Variants in ATP7A observed in about 807,000 individuals in gnomAD.
The protein encoded by ATP7A is copper-transporting ATPase 1.
ATP7A carries 7 observed loss-of-function variants against 83.5 expected under a neutral mutation model. The observed-to-expected ratio is 0.08, with a 90% CI of 0.05 to 0.16. The LOEUF is 0.16. ATP7A is among the 10% of genes least tolerant of loss of function. The pLI, the probability that ATP7A is intolerant of heterozygous loss-of-function variation, is 1.00. For missense variants in ATP7A, 940 were observed against 1,120.8 expected (o/e 0.84, Z 2.30); for synonymous variants, 354 against 395.2 (o/e 0.90, Z 1.24).
At chrX:77,915,527 G>A (rs903236571) in intron 1 of ATP7A, among the ~76,000 whole-genome samples, 1 of 110,344 alleles carries the variant, frequency 9.1e-6, no homozygotes, top group East Asian at 2.8e-4. Context: ...ATACATGTAC[G>A]GTGTCTGGCA....
rs1557234428 is a variant in ATP7A at position 78,011,263 on chromosome X, T to C, written c.1946+11T>C. Reference sequence around the variant, plus strand: ...ACGAGAAATAAGACAGTAAGTACTTTGGAGTGTCAGTAAAAAACAGATTTT... The same window carrying C: ...ACGAGAAATAAGACAGTAAGTACTTCGGAGTGTCAGTAAAAAACAGATTTT... On this transcript the variant is annotated intron_variant, in intron 8 of 22. Transcript: ENST00000341514. 7.5e-6 allele frequency: 9 copies of C among 1,202,345 alleles called. No individual in the cohort carries two copies. The highest frequency in any genetic ancestry group is 4.4e-5 in the Admixed American group (2 of 45,959).
At chrX:77,938,613 T>A (rs1255165140) in intron 1 of ATP7A, among the ~76,000 whole-genome samples, 2 of 112,449 alleles carry the variant, frequency 1.8e-5, no homozygotes, top group Non-Finnish European at 3.8e-5. Flanking sequence ...GGAATATACA[T>A]GGGTAGTGAG....
chrX:77,931,814 G>C (rs1288472022), intron 1 of ATP7A, among the ~76,000 whole-genome samples: 1 of 94,743 alleles, frequency 1.1e-5, no homozygotes, highest in Non-Finnish European at 2.2e-5. Context: ...CTGGCCGGGC[G>C]GGGGGCTGAC....
intron 4 of ATP7A, among the ~76,000 whole-genome samples, chrX:77,993,130 C>T (rs2077679520): frequency 8.9e-6 from 1 of 112,016 alleles, no homozygotes; most frequent in Admixed American, 9.5e-5. Context: ...ATTCCTATGC[C>T]TCTTACATAT....
intron 1 of ATP7A, among the ~76,000 whole-genome samples, chrX:77,957,462 C>T (rs1458122900): frequency 9.3e-6 from 1 of 107,522 alleles, no homozygotes; most frequent in Non-Finnish European, 1.9e-5. Flanking sequence ...CACAAAATAA[C>T]CTGACTAAAA....
intron 19 of ATP7A, among the ~76,000 whole-genome samples, chrX:78,041,827 A>T (rs948190326): frequency 2.5e-4 from 28 of 110,720 alleles, no homozygotes; most frequent in African/African-American, 8.9e-4. Context: ...CTGAACATAA[A>T]GTTATTTTGG....
intron 15 of ATP7A, 71 bp from the exon 16 acceptor site, chrX:78,031,329 A>G: frequency 9.7e-7 from 1 of 1,029,291 alleles, no homozygotes; most frequent in Non-Finnish European, 1.4e-6. Flanking sequence ...TTGTCAAAAC[A>G]GACCTTTTTC....
chrX:77,946,576 C>G (rs1379090245), intron 1 of ATP7A, among the ~76,000 whole-genome samples: 1 of 110,157 alleles, frequency 9.1e-6, no homozygotes, highest in Non-Finnish European at 1.9e-5. Flanking sequence ...AAATACATTA[C>G]AAATGAAATA....
chrX:78,031,516 T>C lies in ATP7A; in HGVS notation c.3228T>C (p.Ile1076=). 7.4e-6 allele frequency: 9 copies of C among 1,210,955 alleles called. No homozygotes were observed. Among genetic ancestry groups the C allele is most frequent in the Non-Finnish European group, 1.0e-5 (9 of 894,781 alleles). The change falls in exon 16 of 23, where the codon ATT becomes ATC. Residue 1076 remains isoleucine (I), a synonymous_variant. Transcript: ENST00000341514. ...TATCACACCATAAAATCTTGGCCAT[T>C]GTGGGAACTGCTGAAAGTAACAGTG... ...NRISHHKILA[I]VGTAESNSEH... is the part of the protein sequence containing the mutation.
chrX:78,014,641 T>C, intron 10 of ATP7A, 21 bp from the exon 11 acceptor site: 1 of 1,155,090 alleles, frequency 8.7e-7, no homozygotes. Flanking sequence ...GCATTTTCAA[T>C]GTGTTTGTTT....
At chrX:78,010,629 G>T (rs2077814163) in intron 7 of ATP7A, among the ~76,000 whole-genome samples, 2 of 90,195 alleles carry the variant, frequency 2.2e-5, no homozygotes, top group South Asian at 1.2e-3. Flanking sequence ...GCCTGGGCTG[G>T]AGTGCAGTGG....
At chrX:78,024,309 T>C (rs1557236110) in intron 14 of ATP7A, among the ~76,000 whole-genome samples, 1 of 112,264 alleles carries the variant, frequency 8.9e-6, no homozygotes, top group African/African-American at 3.2e-5. Context: ...TAGGATTGCT[T>C]TTTAAATTCT....
rs781988316 is a variant in ATP7A, at chrX:78,048,466, G to T, written c.*1896G>T. On this transcript the variant is annotated 3_prime_UTR_variant, in exon 23 of 23. Coordinates refer to ENST00000341514, the MANE Select transcript of ATP7A (RefSeq NM_000052.7). The stretch of plus-strand genomic sequence containing the variant: ...TAGAGCAGAGTCTTAAAATCAGGTG[G>T]GGGTAGGGGATGGAGTTCTTCCTTT... 2 of 111,755 alleles carry T rather than the reference G, an allele frequency of 1.8e-5. No individual in the cohort carries two copies. The highest frequency in any genetic ancestry group is 3.3e-5 in the African/African-American group (1 of 30,648). 9.2% of individuals were successfully genotyped at this position (111,755 alleles called of 1,213,427 possible).
rs782590323 is a variant in ATP7A, at chrX:78,043,228, C to T, written c.4006-89C>T. On this transcript the variant is annotated intron_variant, in intron 20 of 22. Coordinates refer to ENST00000341514, the MANE Select transcript of ATP7A (RefSeq NM_000052.7). Reference sequence around the variant, plus strand: ...AATTCACATATTACCCTAAGGTAGACGTAATCTTCAACATACACAGTATCA... The same window carrying T: ...AATTCACATATTACCCTAAGGTAGATGTAATCTTCAACATACACAGTATCA... 169 of 645,503 alleles carry T rather than the reference C, an allele frequency of 2.6e-4. 1 individual carries two copies. In the East Asian group the frequency reaches 4.3e-3, roughly 17 times the overall value. The allele number at this position is 645,503 out of a possible 1,213,427, so 53.2% of individuals were successfully genotyped here.
intron 19 of ATP7A, 28 bp downstream of exon 19, chrX:78,040,761 C>CT (rs782482710): frequency 8.4e-7 from 1 of 1,196,260 alleles, no homozygotes; most frequent in Admixed American, 2.2e-5. Context: ...GTGATAACTT[C>CT]TAATTATTGA....
intron 1 of ATP7A, among the ~76,000 whole-genome samples, chrX:77,959,803 C>T: frequency 8.9e-6 from 1 of 112,074 alleles, no homozygotes; most frequent in African/African-American, 3.2e-5. Flanking sequence ...GTTCTTGTTT[C>T]CTTGTGCACA....
At chrX:77,969,578 G>T (rs199995586) in intron 1 of ATP7A, 1 of 1,210,491 alleles carries the variant, frequency 8.3e-7, no homozygotes, top group East Asian at 3.0e-5. Flanking sequence ...CAGCTGAAGC[G>T]GTTCTCCAGG....
intron 2 of ATP7A, among the ~76,000 whole-genome samples, chrX:77,985,693 T>G (rs190009470): frequency 2.7e-5 from 3 of 111,542 alleles, no homozygotes; most frequent in East Asian, 2.8e-4. Flanking sequence ...AGACTTTTTT[T>G]GGGTATATAG....
In ATP7A at chrX:77,988,402, C is replaced by T. The variant is rs1557231591; in HGVS notation, c.281C>T (p.Ala94Val). The change falls in exon 3 of 23, where the codon GCG (alanine) becomes GTG (valine). Residue 94 changes from alanine to valine, a missense_variant. By Grantham distance (64) the Ala-to-Val change is moderately conservative (BLOSUM62 0). This residue lies in a region of ATP7A where 350 missense variants were observed against 432.8 expected (regional missense o/e 0.81). Coordinates refer to ENST00000341514, the MANE Select transcript of ATP7A (RefSeq NM_000052.7). ...GACACCTTGTTTCTGACTGTTACGG[C>T]GTCACTGACTTTGCCATGGGACCAT... ...LTDTLFLTVTASLTLPWDHIQ... is the reference protein window; with the variant it reads ...LTDTLFLTVTVSLTLPWDHIQ... The T allele has an allele frequency of 5.8e-6, 7 of 1,209,627 alleles. No homozygotes were observed. Among genetic ancestry groups the T allele is most frequent in the South Asian group, 5.3e-5 (3 of 56,792 alleles).
Sources: gnomAD v4.1 joint callset for allele counts (sites outside exome capture counted in the v4.1 genomes callset) on GRCh38, gnomAD v4.1.1 for gene constraint, gnomAD v4.1.1 regional missense constraint, MANE v1.5 for transcripts, NCBI Gene and HGNC (gene_info 2026-07-23, HGNC 2026-07-21) for gene names.